The following CTDSPL variants were observed in gnomAD, a reference collection of about 807,000 sequenced individuals.
CTDSPL encodes CTD small phosphatase like.
In CTDSPL, 8 loss-of-function variants were observed where a neutral mutation model predicts 30.5. The ratio of observed to expected loss-of-function variants is 0.26; its 90% CI spans 0.15 to 0.47. CTDSPL has a LOEUF of 0.47. Ranked by LOEUF, CTDSPL falls within the 20% of genes least tolerant of loss-of-function variation. The pLI, the probability that CTDSPL is intolerant of heterozygous loss-of-function variation, is 0.99. For missense variants in CTDSPL, 248 were observed against 366.1 expected (o/e 0.68, Z 2.63); for synonymous variants, 110 against 137.9 (o/e 0.80, Z 1.42).
chr3:37,862,317 C>T lies in CTDSPL; in HGVS notation c.79+39C>T. 7.0e-7 allele frequency: 1 copy of T among 1,429,704 alleles called. No individual in the cohort carries two copies. The highest frequency in any genetic ancestry group is 2.9e-5 in the East Asian group (1 of 34,508). The allele number at this position is 1,429,704 out of a possible 1,614,324, so 88.6% of individuals were successfully genotyped here. A position where few individuals can be genotyped will look rare whatever the true frequency, so the allele number is the denominator to read the frequency against. ...CAGGCGGCCGCGGGCTGGGGGCGAG[C>T]GCACACCCCGCGCCGCTGGAGTTCA... On this transcript the variant is annotated intron_variant, in intron 1 of 7. Transcript: ENST00000273179. This position sits in a 1 kb window ranked among gnomAD's most constrained non-coding sequence, Gnocchi z 4.3.
At chr3:37,883,549 G>A (rs1698231677) in intron 1 of CTDSPL, among the ~76,000 whole-genome samples, 1 of 152,200 alleles carries the variant, frequency 6.6e-6, no homozygotes, top group Non-Finnish European at 1.5e-5. Context: ...AAAGAGGTTG[G>A]CCTGTGATTT....
chr3:37,957,464 A>G (rs1316219188), intron 3 of CTDSPL, among the ~76,000 whole-genome samples: 8 of 151,996 alleles, frequency 5.3e-5, no homozygotes, highest in Non-Finnish European at 2.9e-5. Flanking sequence ...CCCACACCCC[A>G]CTATCTTAGC....
chr3:37,906,726 C>T (rs1698519771), intron 1 of CTDSPL, among the ~76,000 whole-genome samples: 1 of 152,144 alleles, frequency 6.6e-6, no homozygotes, highest in Admixed American at 6.5e-5. Context: ...AAGTGTGCTG[C>T]TGTGCTGCCC....
At chr3:37,969,621 A>C (rs989078733) in intron 5 of CTDSPL, 10 of 340,110 alleles carry the variant, frequency 2.9e-5, no homozygotes, top group Non-Finnish European at 5.8e-5. Flanking sequence ...ACTGAGGACT[A>C]CAGGCCACAC....
intron 1 of CTDSPL, among the ~76,000 whole-genome samples, chr3:37,930,141 T>C (rs1165556820): frequency 1.3e-5 from 2 of 151,538 alleles, no homozygotes; most frequent in Non-Finnish European, 2.9e-5. Context: ...AAGAAGGGTA[T>C]GGTGTTTACC....
intron 1 of CTDSPL, among the ~76,000 whole-genome samples, chr3:37,872,629 A>G (rs1698088380): frequency 7.8e-6 from 1 of 128,262 alleles, no homozygotes. Context: ...GGCTGGAGTG[A>G]AGTGGTGCAA....
chr3:37,978,712 T>A (rs1699456655), intron 7 of CTDSPL, among the ~76,000 whole-genome samples: 1 of 152,234 alleles, frequency 6.6e-6, no homozygotes, highest in Admixed American at 6.5e-5. Context: ...AACAACAAGA[T>A]GTTCCAGGCT....
chr3:37,964,503 A>G, intron 3 of CTDSPL, 68 bp from the exon 4 acceptor site: 1 of 996,150 alleles, frequency 1.0e-6, no homozygotes, highest in Admixed American at 1.9e-5. Context: ...GTTTGAAAGT[A>G]GTATAATGCA....
intron 1 of CTDSPL, among the ~76,000 whole-genome samples, chr3:37,901,202 C>T (rs1698446824): frequency 6.6e-6 from 1 of 152,186 alleles, no homozygotes; most frequent in African/African-American, 2.4e-5. Flanking sequence ...CCCAGCTGGA[C>T]CTGCTCAGCC....
intron 1 of CTDSPL, among the ~76,000 whole-genome samples, chr3:37,883,654 C>T (rs1698232848): frequency 6.6e-6 from 1 of 152,222 alleles, no homozygotes; most frequent in African/African-American, 2.4e-5. Flanking sequence ...AATTTGTGAA[C>T]AGGTGGTGTT....
intron 1 of CTDSPL, among the ~76,000 whole-genome samples, chr3:37,888,937 G>A (rs1278657419): frequency 1.3e-5 from 2 of 152,258 alleles, no homozygotes; most frequent in African/African-American, 4.8e-5. Flanking sequence ...GCAAGAAGCT[G>A]CTGTGGAATG....
At chr3:37,950,451 C>G (rs1699094104) in intron 2 of CTDSPL, among the ~76,000 whole-genome samples, 1 of 152,148 alleles carries the variant, frequency 6.6e-6, no homozygotes, top group South Asian at 2.1e-4. Context: ...ACATTTGGAA[C>G]TTAAAAACTC....
intron 7 of CTDSPL, among the ~76,000 whole-genome samples, chr3:37,978,924 A>T (rs1030824978): frequency 2.6e-5 from 4 of 152,216 alleles, no homozygotes; most frequent in Admixed American, 6.5e-5. Context: ...ATAAGTTCAT[A>T]CTGGTTTTTC....
chr3:37,966,323 T>C (rs1233685575), intron 4 of CTDSPL, among the ~76,000 whole-genome samples: 1 of 152,256 alleles, frequency 6.6e-6, no homozygotes, highest in Non-Finnish European at 1.5e-5. Flanking sequence ...CCTTTGAGAA[T>C]CTGAAAGCTG....
At chr3:37,929,790 C>A (rs1040941772) in intron 1 of CTDSPL, among the ~76,000 whole-genome samples, 1 of 152,106 alleles carries the variant, frequency 6.6e-6, no homozygotes, top group Non-Finnish European at 1.5e-5. Context: ...ATTGCCCTGA[C>A]TAGAATTTCC....
chr3:37,938,187 A>G (rs967260119), intron 1 of CTDSPL, among the ~76,000 whole-genome samples: 1 of 149,872 alleles, frequency 6.7e-6, no homozygotes, highest in African/African-American at 2.4e-5. Flanking sequence ...TTTAGGTCAG[A>G]TCACAGATAG....
intron 1 of CTDSPL, among the ~76,000 whole-genome samples, chr3:37,946,347 C>T (rs1169689734): frequency 2.0e-5 from 3 of 152,318 alleles, no homozygotes; most frequent in East Asian, 1.9e-4. Flanking sequence ...CCCTGGATCT[C>T]GTGAAGATGG....
intron 1 of CTDSPL, among the ~76,000 whole-genome samples, chr3:37,941,177 C>G (rs1367171803): frequency 6.7e-6 from 1 of 150,222 alleles, no homozygotes; most frequent in African/African-American, 2.4e-5. Context: ...CACATGCTAC[C>G]CTGTTCCTCC....
intron 1 of CTDSPL, among the ~76,000 whole-genome samples, chr3:37,880,943 C>T (rs1698196305): frequency 6.7e-6 from 1 of 149,976 alleles, no homozygotes; most frequent in Non-Finnish European, 1.5e-5. Context: ...GGCCATTTCA[C>T]AGCAGGAAAA....
Sources: allele counts gnomAD v4.1 joint callset (sites outside exome capture counted in the v4.1 genomes callset), GRCh38; gene constraint gnomAD v4.1.1; non-coding constraint Gnocchi (gnomAD v3.1); transcripts MANE v1.5; gene names NCBI Gene and HGNC (gene_info 2026-07-23, HGNC 2026-07-21).